WDFY3: variants seen among roughly 807,000 people sequenced by gnomAD.
The protein encoded by WDFY3 is WD repeat and FYVE domain containing 3.
A neutral mutation model predicts 409.6 loss-of-function variants in WDFY3; 66 were observed. That is an observed-to-expected ratio of 0.16 (90% CI 0.13 to 0.20). The LOEUF (loss-of-function observed/expected upper bound fraction) is 0.20. WDFY3 is among the 10% of genes least tolerant of loss of function. The pLI is 1.00. For synonymous variants in WDFY3, 1,521 were observed against 1,537.1 expected (o/e 0.99, Z 0.25); for missense variants, 3,031 against 4,298.1 (o/e 0.71, Z 8.24).
chr4:84,892,627 G>A (rs1390911906), intron 3 of WDFY3, among the ~76,000 whole-genome samples: 1 of 152,102 alleles, frequency 6.6e-6, no homozygotes, highest in African/African-American at 2.4e-5. Flanking sequence ...CAGGAACTCT[G>A]TGTTGCCTAT....
chr4:84,698,621 G>A (rs1000219548), intron 56 of WDFY3, among the ~76,000 whole-genome samples: 7 of 152,028 alleles, frequency 4.6e-5, no homozygotes, highest in Non-Finnish European at 1.0e-4. Flanking sequence ...AAGGATGCAT[G>A]GACAAGAAGA....
At chr4:84,840,975 T>A (rs1757268122) in intron 6 of WDFY3, among the ~76,000 whole-genome samples, 179 bp downstream of exon 6, 1 of 152,110 alleles carries the variant, frequency 6.6e-6, no homozygotes, top group Non-Finnish European at 1.5e-5. Flanking sequence ...GCATCGAACA[T>A]CAAACTCCTT....
At chr4:84,906,292 TAA>T (rs1475070949) in intron 2 of WDFY3, among the ~76,000 whole-genome samples, 6 of 152,202 alleles carry the variant, frequency 3.9e-5, no homozygotes. Context: ...TTTCATTTCT[TAA>T]AGACCTATGA....
chr4:84,833,691 G>GAGAAGAGAAGAGAAGAGAACAGAAC lies in WDFY3; in HGVS notation c.577-2111_577-2087dup, dbSNP rs1756120218. Reference sequence around the variant, plus strand: ...GAAAAGAAAAGAAAAGAAAAGAAAAGAGAAGAGAAGAGAAGAGAACAGAAC... The same window carrying GAGAAGAGAAGAGAAGAGAACAGAAC: ...GAAAAGAAAAGAAAAGAAAAGAAAAGAGAAGAGAAGAGAAGAGAACAGAACAGAAGAGAAGAGAAGAGAACAGAAC... On this transcript the variant is annotated intron_variant, in intron 7 of 67. Coordinates refer to ENST00000295888, the MANE Select transcript of WDFY3 (RefSeq NM_014991.6). Among the ~76,000 whole-genome samples the GAGAAGAGAAGAGAAGAGAACAGAAC allele has an allele frequency of 4.0e-5, 6 of 150,416 alleles. No homozygotes were observed. In the South Asian group the frequency reaches 1.3e-3, roughly 31 times the overall value.
At chr4:84,924,847 A>G (rs906198233) in intron 2 of WDFY3, among the ~76,000 whole-genome samples, 1 of 152,208 alleles carries the variant, frequency 6.6e-6, no homozygotes, top group Admixed American at 6.5e-5. Flanking sequence ...AACCTACACA[A>G]TCATTATAAA....
At chr4:84,891,528 A>G (rs940572563) in intron 3 of WDFY3, among the ~76,000 whole-genome samples, 1 of 152,212 alleles carries the variant, frequency 6.6e-6, no homozygotes, top group Non-Finnish European at 1.5e-5. Flanking sequence ...ATTTATTTCA[A>G]ACTAGGAGCA....
At chr4:84,722,825 C>T (rs1735059058) in intron 46 of WDFY3, among the ~76,000 whole-genome samples, 1 of 152,182 alleles carries the variant, frequency 6.6e-6, no homozygotes, top group Admixed American at 6.5e-5. Context: ...TTGAATATTA[C>T]TTATCAGAGG....
At chr4:84,927,520 A>G (rs72664957) in intron 2 of WDFY3, among the ~76,000 whole-genome samples, 44,413 of 152,030 alleles carry the variant, frequency 0.29, 6,628 homozygotes, top group Admixed American at 0.33. Flanking sequence ...ACCCAGTGAA[A>G]TGGTTTGGCT....
At chr4:84,839,897 A>G (rs1373533686) in intron 6 of WDFY3, among the ~76,000 whole-genome samples, 2 of 152,118 alleles carry the variant, frequency 1.3e-5, no homozygotes, top group African/African-American at 2.4e-5. Flanking sequence ...GAGAAAAAAC[A>G]CAGCAAACAA....
At chr4:84,775,903 A>G (rs1389895221) in intron 27 of WDFY3, among the ~76,000 whole-genome samples, 1 of 152,056 alleles carries the variant, frequency 6.6e-6, no homozygotes, top group African/African-American at 2.4e-5. Context: ...GAAATGGAAG[A>G]CTTTTCCAGA....
intron 37 of WDFY3, among the ~76,000 whole-genome samples, chr4:84,742,142 T>C (rs533715935): frequency 1.3e-5 from 2 of 152,336 alleles, no homozygotes; most frequent in Admixed American, 6.5e-5. Context: ...TGAAACTACC[T>C]GTGGAGTCTC....
At chr4:84,908,991 A>C (rs1326939583) in intron 2 of WDFY3, among the ~76,000 whole-genome samples, 1 of 152,000 alleles carries the variant, frequency 6.6e-6, no homozygotes, top group Non-Finnish European at 1.5e-5. Flanking sequence ...ATTCATATTA[A>C]ACTAAATACT....
chr4:84,687,237 G>A (rs183994741), intron 62 of WDFY3, among the ~76,000 whole-genome samples: 10 of 152,090 alleles, frequency 6.6e-5, no homozygotes, highest in South Asian at 2.1e-4. Flanking sequence ...TCCACCTCCC[G>A]GGTTCAAGCG....
chr4:84,784,858 G>GTGTATATATATATA (rs1425735455), intron 24 of WDFY3, among the ~76,000 whole-genome samples: 1 of 88,994 alleles, frequency 1.1e-5, no homozygotes, highest in Non-Finnish European at 2.0e-5. Context: ...AAGTGTATAT[G>GTGTATATATATATA]TATATATATA....
At chr4:84,933,575 A>C (rs180771806) in intron 1 of WDFY3, among the ~76,000 whole-genome samples, 48 of 152,006 alleles carry the variant, frequency 3.2e-4, no homozygotes, top group Non-Finnish European at 6.0e-4. Flanking sequence ...TTAATGTACA[A>C]ATTATTAACT....
chr4:84,841,744 A>T (rs1312614905), intron 5 of WDFY3, among the ~76,000 whole-genome samples: 1 of 152,188 alleles, frequency 6.6e-6, no homozygotes, highest in Non-Finnish European at 1.5e-5. Flanking sequence ...GTAGTGATTT[A>T]AAAAATAGAG....
chr4:84,896,877 C>CA (rs1253287765), intron 3 of WDFY3, 34 bp downstream of exon 3: 35 of 152,088 alleles, frequency 2.3e-4, no homozygotes, highest in Non-Finnish European at 7.4e-5. Flanking sequence ...AGATTAAAAA[C>CA]AAAAACCCAC....
In WDFY3 at chr4:84,837,088, T is replaced by C; in HGVS notation, c.417A>G (p.Lys139=). ...ACATTGTTGTCATGCAGTCCACGGTTTTCTGGAAAACAAGCCAATAAATAA... is the reference window on the plus strand; with the variant it reads ...ACATTGTTGTCATGCAGTCCACGGTCTTCTGGAAAACAAGCCAATAAATAA... The part of the protein sequence containing the change: ...TINLLASSGQ[K]TVDCMTTMSV... Residue 139 remains lysine (K), a splice_region_variant and synonymous_variant, in exon 7 of 68, where the codon AAA becomes AAG. Coordinates refer to ENST00000295888, the MANE Select transcript of WDFY3 (RefSeq NM_014991.6). 1 of 1,502,820 alleles carries C rather than the reference T, an allele frequency of 6.7e-7. No individual in the cohort carries two copies. The highest frequency in any genetic ancestry group is 8.9e-7 in the Non-Finnish European group (1 of 1,120,164). 93.1% of individuals were successfully genotyped at this position (1,502,820 alleles called of 1,614,324 possible). A position where few individuals can be genotyped will look rare whatever the true frequency, so the allele number is the denominator to read the frequency against.
rs574840099 is a variant in WDFY3 at position 84,716,962 on chromosome 4, C to G, written c.7809G>C (p.Lys2603Asn). The change falls in exon 49 of 68, where the codon AAG (lysine) becomes AAC (asparagine). Residue 2603 changes from lysine to asparagine, a missense_variant. Physicochemically the swap from Lys to Asn is moderately conservative, Grantham distance 94 (BLOSUM62 0). This residue lies in a region of WDFY3 where 40 missense variants were observed against 54.2 expected (regional missense o/e 0.74). Coordinates refer to ENST00000295888, the MANE Select transcript of WDFY3 (RefSeq NM_014991.6). ...CATATGCAAAAATGCTGCATGTTCT[C>G]TTGAGTTGACTAGGGCCTTGCCTGG... ...RGARQGPSQL[K>N]RTCSIFAYED... 10 of 1,608,892 alleles carry G rather than the reference C, an allele frequency of 6.2e-6. No homozygotes were observed. In the African/African-American group the frequency reaches 1.2e-4, roughly 19 times the overall value.
Sources: gnomAD v4.1 joint callset for allele counts (sites outside exome capture counted in the v4.1 genomes callset) on GRCh38, gnomAD v4.1.1 for gene constraint, gnomAD v4.1.1 regional missense constraint, MANE v1.5 for transcripts, NCBI Gene and HGNC (gene_info 2026-07-23, HGNC 2026-07-21) for gene names.